LRRC75A: variants seen among roughly 807,000 people sequenced by gnomAD.
The protein encoded by LRRC75A is leucine rich repeat containing 75A.
In LRRC75A, 12 loss-of-function variants were observed where a neutral mutation model predicts 26.0. The ratio of observed to expected loss-of-function variants is 0.46; its 90% CI spans 0.30 to 0.75. The LOEUF (loss-of-function observed/expected upper bound fraction) is 0.75, where lower values mean the gene tolerates loss of function less well. Ranked by LOEUF, LRRC75A falls within the 30% of genes least tolerant of loss-of-function variation. The pLI is 0.08. For missense variants in LRRC75A, 410 were observed against 486.6 expected (o/e 0.84, Z 1.48); for synonymous variants, 223 against 219.3 (o/e 1.02, Z -0.15).
At chr17:16,455,894 C>G (rs1601120016) in intron 2 of LRRC75A, among the ~76,000 whole-genome samples, 1 of 152,298 alleles carries the variant, frequency 6.6e-6, no homozygotes, top group East Asian at 1.9e-4. Flanking sequence ...GTGTTTCTAT[C>G]ATTTACAACC....
intron 2 of LRRC75A, among the ~76,000 whole-genome samples, chr17:16,457,508 G>A (rs12603293): frequency 6.6e-6 from 1 of 152,180 alleles, no homozygotes; most frequent in Non-Finnish European, 1.5e-5. Flanking sequence ...ACTTCGGCAT[G>A]TGCAGCCGCC....
At chr17:16,489,827 T>C (rs1409166654) in intron 1 of LRRC75A, among the ~76,000 whole-genome samples, 1 of 152,220 alleles carries the variant, frequency 6.6e-6, no homozygotes, top group Non-Finnish European at 1.5e-5. Flanking sequence ...GAGGACCTGC[T>C]GCTTTCACAG....
chr17:16,470,286 T>C (rs1313687516), intron 1 of LRRC75A: 1 of 152,150 alleles, frequency 6.6e-6, no homozygotes, highest in Non-Finnish European at 1.5e-5. Context: ...AGCTTTCATT[T>C]GTCTCTCTCC....
chr17:16,476,732 ATTTTT>A (rs1170298700), intron 1 of LRRC75A, among the ~76,000 whole-genome samples: 3 of 75,530 alleles, frequency 4.0e-5, no homozygotes, highest in African/African-American at 6.1e-5. Context: ...TGCCTGGCTG[ATTTTT>A]TTTTTTTTTT....
At chr17:16,476,826 C>T (rs1378340809) in intron 1 of LRRC75A, among the ~76,000 whole-genome samples, 1 of 150,238 alleles carries the variant, frequency 6.7e-6, no homozygotes, top group Non-Finnish European at 1.5e-5. Context: ...GCAAGCTCCG[C>T]CTCCCGGGTT....
chr17:16,445,455 G>A (rs1260417648), intron 3 of LRRC75A, among the ~76,000 whole-genome samples: 4 of 152,136 alleles, frequency 2.6e-5, no homozygotes, highest in East Asian at 1.9e-4. Context: ...GTGAGCCACC[G>A]TGCCCGGCCC....
rs373483667 is a variant in LRRC75A, at chr17:16,454,392, AAAAC to A, written c.376-6436_376-6433del. Among the ~76,000 whole-genome samples, 905 of 136,834 alleles carry A rather than the reference AAAAC, an allele frequency of 6.6e-3. 7 individuals are homozygous for A. The highest frequency in any genetic ancestry group is 0.024 in the African/African-American group (839 of 35,678). The allele number at this position is 136,834 out of a possible 152,430, so 89.8% of individuals were successfully genotyped here. A position where few individuals can be genotyped will look rare whatever the true frequency, so the allele number is the denominator to read the frequency against. On this transcript the variant is annotated intron_variant, in intron 2 of 3. Coordinates refer to ENST00000470794, the MANE Select transcript of LRRC75A (RefSeq NM_001113567.3). ...GGGCAACAGAGTGAGACTCTGTCAAAAAACAAACAAACAAACAGGCCAGGCGTGG... is the reference window on the plus strand; with the variant it reads ...GGGCAACAGAGTGAGACTCTGTCAAAAAACAAACAAACAGGCCAGGCGTGG...
intron 1 of LRRC75A, among the ~76,000 whole-genome samples, chr17:16,475,509 A>C (rs1031394386): frequency 1.3e-5 from 2 of 152,146 alleles, no homozygotes; most frequent in African/African-American, 4.8e-5. Flanking sequence ...GGAGCCTTCA[A>C]CTGATTGAAT....
In LRRC75A at chr17:16,444,123, G is replaced by A; in HGVS notation, c.500C>T (p.Ala167Val). ...VKRKPQACLK[A>V]VLAGSPPDNT... Reference sequence around the variant, plus strand: ...GTCTGGGGGGCTTCCGGCCAGGACAGCCTTGAGGCTGAAGGGAAAAAGGAC... The same window carrying A: ...GTCTGGGGGGCTTCCGGCCAGGACAACCTTGAGGCTGAAGGGAAAAAGGAC... The change falls in exon 4 of 4, where the codon GCT becomes GTT. Residue 167 changes from alanine to valine, a missense_variant. Coordinates refer to ENST00000470794, the MANE Select transcript of LRRC75A (RefSeq NM_001113567.3). The A allele has an allele frequency of 6.3e-7, 1 of 1,593,270 alleles. No homozygotes were observed. The highest frequency in any genetic ancestry group is 8.6e-7 in the Non-Finnish European group (1 of 1,166,086).
chr17:16,446,480 G>A (rs980319895), intron 3 of LRRC75A, among the ~76,000 whole-genome samples: 22 of 152,198 alleles, frequency 1.4e-4, no homozygotes, highest in Admixed American at 1.2e-3. Context: ...GGGCACAAAG[G>A]CCCTGAGGCT....
At chr17:16,461,729 CTA>C (rs2093729179) in intron 2 of LRRC75A, among the ~76,000 whole-genome samples, 1 of 152,222 alleles carries the variant, frequency 6.6e-6, no homozygotes, top group Non-Finnish European at 1.5e-5. Flanking sequence ...GGACGGCCTT[CTA>C]TGACACCTTT....
At chr17:16,458,062 T>C (rs1274190066) in intron 2 of LRRC75A, among the ~76,000 whole-genome samples, 1 of 152,158 alleles carries the variant, frequency 6.6e-6, no homozygotes, top group Non-Finnish European at 1.5e-5. Flanking sequence ...CCCAGCACTT[T>C]GGAAGGCCAA....
chr17:16,486,379 G>A (rs1225436553), intron 1 of LRRC75A, among the ~76,000 whole-genome samples: 2 of 152,188 alleles, frequency 1.3e-5, no homozygotes, highest in Non-Finnish European at 2.9e-5. Flanking sequence ...AGCCCCTGCG[G>A]TCGTGCTTAG....
At chr17:16,477,984 A>G (rs2093825095) in intron 1 of LRRC75A, among the ~76,000 whole-genome samples, 1 of 151,542 alleles carries the variant, frequency 6.6e-6, no homozygotes, top group Non-Finnish European at 1.5e-5. Flanking sequence ...GCAATGGGTC[A>G]GGCAAAGGCC....
rs372580650 is a variant in LRRC75A, at chr17:16,453,808, T to C, written c.376-5848A>G. Among the ~76,000 whole-genome samples, 4 of 152,138 alleles carry C rather than the reference T, an allele frequency of 2.6e-5. No individual in the cohort carries two copies. In the East Asian group the frequency reaches 7.7e-4, roughly 29 times the overall value. ...GCTGCCCTCCTGTCTCTGGCCCTTC[T>C]TCTCCCCCAGAGTGAGTCAGAGAAA... On this transcript the variant is annotated intron_variant, in intron 2 of 3. Coordinates refer to ENST00000470794, the MANE Select transcript of LRRC75A (RefSeq NM_001113567.3).
chr17:16,484,404 T>G (rs750693406), intron 1 of LRRC75A, among the ~76,000 whole-genome samples: 5 of 151,638 alleles, frequency 3.3e-5, no homozygotes, highest in Non-Finnish European at 5.9e-5. Context: ...AAAATAAACA[T>G]GAGAAAAGGC....
chr17:16,451,682 G>T (rs115495935), intron 2 of LRRC75A, among the ~76,000 whole-genome samples: 3,954 of 151,882 alleles, frequency 0.026, 167 homozygotes, highest in African/African-American at 0.087. Context: ...TGACACTGGA[G>T]ATGGCCCATC....
At chr17:16,490,078 A>C (rs1292667819) in intron 1 of LRRC75A, among the ~76,000 whole-genome samples, 1 of 152,152 alleles carries the variant, frequency 6.6e-6, no homozygotes, top group Non-Finnish European at 1.5e-5. Flanking sequence ...GGGGAGCCCA[A>C]AGTATCTGCC....
intron 1 of LRRC75A, among the ~76,000 whole-genome samples, chr17:16,484,615 A>C (rs554588515): frequency 2.0e-4 from 30 of 152,300 alleles, no homozygotes; most frequent in African/African-American, 7.0e-4. Flanking sequence ...GAGCTGACCA[A>C]GATCCGGCAG....
Sources: allele counts gnomAD v4.1 joint callset (sites outside exome capture counted in the v4.1 genomes callset), GRCh38; gene constraint gnomAD v4.1.1; transcripts MANE v1.5; gene names NCBI Gene and HGNC (gene_info 2026-07-23, HGNC 2026-07-21).